PLPPR1: variants seen among roughly 807,000 people sequenced by gnomAD.
PLPPR1 encodes phospholipid phosphatase related 1.
In PLPPR1, 10 loss-of-function variants were observed where a neutral mutation model predicts 33.1. The observed-to-expected ratio is 0.30, with a 90% CI of 0.19 to 0.51. The LOEUF (loss-of-function observed/expected upper bound fraction) is 0.51, where lower values mean the gene tolerates loss of function less well. Ranked by LOEUF, PLPPR1 falls within the 20% of genes least tolerant of loss-of-function variation. The pLI is 0.97. For synonymous variants in PLPPR1, 151 were observed against 151.0 expected (o/e 1.00, Z 0.00); for missense variants, 304 against 408.1 (o/e 0.74, Z 2.20).
chr9:101,037,411 G>C (rs147291909), intron 1 of PLPPR1, among the ~76,000 whole-genome samples: 1 of 152,136 alleles, frequency 6.6e-6, no homozygotes, highest in Non-Finnish European at 1.5e-5. Flanking sequence ...CACAATGAAG[G>C]GTAATGTGTT....
chr9:101,031,307 T>C (rs544728590), intron 1 of PLPPR1, among the ~76,000 whole-genome samples: 2 of 152,350 alleles, frequency 1.3e-5, no homozygotes, highest in Admixed American at 1.3e-4. Flanking sequence ...TTGATTATAC[T>C]AGATTCTATT....
chr9:101,225,570 G>A (rs72741483), intron 2 of PLPPR1, among the ~76,000 whole-genome samples: 7,607 of 152,042 alleles, frequency 0.05, 256 homozygotes, highest in Non-Finnish European at 0.075. Flanking sequence ...AGCTGAACAC[G>A]AAGCGGGAGC....
At chr9:101,040,578 T>C (rs1830065173) in intron 1 of PLPPR1, among the ~76,000 whole-genome samples, 2 of 152,166 alleles carry the variant, frequency 1.3e-5, no homozygotes, top group African/African-American at 2.4e-5. Context: ...GTTAGCTCAG[T>C]CTGGAATGCC....
intron 1 of PLPPR1, among the ~76,000 whole-genome samples, chr9:101,093,750 C>T (rs1351001020): frequency 1.3e-5 from 2 of 152,178 alleles, no homozygotes; most frequent in African/African-American, 4.8e-5. Context: ...CTAGATCAGC[C>T]TTGGGGCTTT....
At chr9:101,288,528 T>C (rs574125184) in intron 4 of PLPPR1, among the ~76,000 whole-genome samples, 1 of 152,074 alleles carries the variant, frequency 6.6e-6, no homozygotes, top group African/African-American at 2.4e-5. Context: ...GGAAACAGCA[T>C]TGAAAGGCAA....
chr9:101,073,987 A>G (rs1207841769), intron 1 of PLPPR1, among the ~76,000 whole-genome samples: 2 of 152,190 alleles, frequency 1.3e-5, no homozygotes, highest in African/African-American at 4.8e-5. Flanking sequence ...CAAGGATGCC[A>G]GGATATTCTA....
rs543877268 is a variant in PLPPR1 at position 101,272,633 on chromosome 9, G to C, written c.252+2565G>C. On this transcript the variant is annotated intron_variant, in intron 3 of 7. Transcript: ENST00000374874. ...AGCTTCCCAAAATCAAAATGAGAGAGGACAAGAATAGACAACTAACAACCA... is the reference window on the plus strand; with the variant it reads ...AGCTTCCCAAAATCAAAATGAGAGACGACAAGAATAGACAACTAACAACCA... Among the ~76,000 whole-genome samples, 24 of 152,176 alleles carry C rather than the reference G, an allele frequency of 1.6e-4. 1 individual carries two copies. In the South Asian group the frequency reaches 5.0e-3, roughly 32 times the overall value.
chr9:101,095,049 A>T (rs1830798256), intron 1 of PLPPR1, among the ~76,000 whole-genome samples: 1 of 152,196 alleles, frequency 6.6e-6, no homozygotes, highest in Non-Finnish European at 1.5e-5. Context: ...AAGGTGTCTG[A>T]ATAGTGACTG....
intron 2 of PLPPR1, among the ~76,000 whole-genome samples, chr9:101,225,088 G>A (rs1050522432): frequency 4.6e-5 from 7 of 152,132 alleles, no homozygotes; most frequent in African/African-American, 1.7e-4. Context: ...TTAGCCTATG[G>A]TAAAATTGGC....
intron 1 of PLPPR1, among the ~76,000 whole-genome samples, chr9:101,068,661 C>G (rs938121382): frequency 2.6e-5 from 4 of 151,558 alleles, no homozygotes; most frequent in African/African-American, 9.7e-5. Context: ...GTCTATGATC[C>G]CTTCCCCAAA....
At chr9:101,231,017 A>G (rs1465450348) in intron 2 of PLPPR1, among the ~76,000 whole-genome samples, 1 of 151,998 alleles carries the variant, frequency 6.6e-6, no homozygotes, top group Non-Finnish European at 1.5e-5. Flanking sequence ...GTTATTCCTC[A>G]TGCATTGATA....
chr9:101,181,524 T>C (rs566194497), intron 1 of PLPPR1, among the ~76,000 whole-genome samples: 1 of 151,404 alleles, frequency 6.6e-6, no homozygotes, highest in South Asian at 2.1e-4. Flanking sequence ...TCATGTTCAT[T>C]GCAGCATTAT....
At chr9:101,166,996 G>A (rs1825867133) in intron 1 of PLPPR1, among the ~76,000 whole-genome samples, 1 of 149,356 alleles carries the variant, frequency 6.7e-6, no homozygotes, top group African/African-American at 2.5e-5. Context: ...CTGTCGCTAG[G>A]GCATAGGGAC....
intron 2 of PLPPR1, among the ~76,000 whole-genome samples, chr9:101,237,390 T>C (rs188506447): frequency 6.6e-6 from 1 of 151,712 alleles, no homozygotes; most frequent in Admixed American, 6.6e-5. Context: ...ATCACAGTAC[T>C]ATTTACAATA....
At chr9:101,321,479 G>C (rs976979129) in intron 7 of PLPPR1, among the ~76,000 whole-genome samples, 2 of 152,052 alleles carry the variant, frequency 1.3e-5, no homozygotes, top group African/African-American at 4.8e-5. Flanking sequence ...AACAAAAATA[G>C]TCAAGTTTTT....
intron 4 of PLPPR1, among the ~76,000 whole-genome samples, chr9:101,303,073 G>A (rs542402862): frequency 4.6e-5 from 7 of 151,968 alleles, no homozygotes; most frequent in Non-Finnish European, 1.0e-4. Context: ...TGCAACCTCC[G>A]CCTCCCACGT....
chr9:101,169,836 T>C (rs1564164539), intron 1 of PLPPR1, among the ~76,000 whole-genome samples: 2 of 152,048 alleles, frequency 1.3e-5, no homozygotes, highest in African/African-American at 4.8e-5. Flanking sequence ...TTTACATTTT[T>C]ATGTCTAGGA....
chr9:101,228,319 C>T (rs917476029), intron 2 of PLPPR1, among the ~76,000 whole-genome samples: 3 of 152,134 alleles, frequency 2.0e-5, no homozygotes, highest in South Asian at 2.1e-4. Flanking sequence ...TTCAAATGCT[C>T]CTCGTACACA....
chr9:101,274,090 AT>A (rs765519903), intron 3 of PLPPR1, among the ~76,000 whole-genome samples: 4 of 152,180 alleles, frequency 2.6e-5, no homozygotes, highest in Non-Finnish European at 2.9e-5. Flanking sequence ...AGTCAATGTG[AT>A]TTGGTCAGTG....
Sources: allele counts gnomAD v4.1 joint callset (sites outside exome capture counted in the v4.1 genomes callset), GRCh38; gene constraint gnomAD v4.1.1; transcripts MANE v1.5; gene names NCBI Gene and HGNC (gene_info 2026-07-23, HGNC 2026-07-21).